HSD17B12: variants seen among roughly 807,000 people sequenced by gnomAD.
The protein encoded by HSD17B12 is very-long-chain 3-oxoacyl-CoA reductase.
A neutral mutation model predicts 39.3 loss-of-function variants in HSD17B12; 32 were observed. That is an observed-to-expected ratio of 0.81 (90% CI 0.61 to 1.09). HSD17B12 has a LOEUF of 1.09. HSD17B12 is among the 50% of genes least tolerant of loss of function. The pLI is 0.00. For synonymous variants in HSD17B12, 150 were observed against 146.7 expected, an observed-to-expected ratio of 1.02 and a Z score of -0.16; for missense variants, 342 against 382.9, an observed-to-expected ratio of 0.89 and a Z score of 0.89.
chr11:43,713,313 GT>G (rs1950088034), intron 1 of HSD17B12, among the ~76,000 whole-genome samples: 1 of 126,884 alleles, frequency 7.9e-6, no homozygotes, highest in African/African-American at 3.1e-5. Flanking sequence ...AGTGTGTGAT[GT>G]TCCCCTTCCT....
At chr11:43,612,429 C>G in the HSD17B12 span, among the ~76,000 whole-genome samples, 1 of 152,160 alleles carries the variant, frequency 6.6e-6, no homozygotes, top group Non-Finnish European at 1.5e-5. Context: ...TCTGGGCCAA[C>G]CCAGGAGCAG....
chr11:43,807,967 C>T (rs1951034674), intron 4 of HSD17B12, among the ~76,000 whole-genome samples: 1 of 152,176 alleles, frequency 6.6e-6, no homozygotes, highest in Admixed American at 6.5e-5. Context: ...GCCCATTTTA[C>T]AGACAAGAAA....
intron 1 of HSD17B12, among the ~76,000 whole-genome samples, chr11:43,738,527 T>C (rs992388096): frequency 6.6e-6 from 1 of 152,222 alleles, no homozygotes; most frequent in African/African-American, 2.4e-5. Flanking sequence ...ATCTCACTTT[T>C]AGATGATTCT....
intron 9 of HSD17B12, among the ~76,000 whole-genome samples, chr11:43,847,715 C>CAAAAAAAAAAAAAAA (rs749195210): frequency 2.7e-4 from 23 of 85,694 alleles, no homozygotes; most frequent in African/African-American, 7.6e-4. Context: ...CTCTGCCTCA[C>CAAAAAAAAAAAAAAA]AAAAAAAAAA....
At chr11:43,801,276 G>T (rs770628183) in intron 4 of HSD17B12, among the ~76,000 whole-genome samples, 2 of 152,156 alleles carry the variant, frequency 1.3e-5, no homozygotes, top group East Asian at 3.8e-4. Flanking sequence ...ATGAGTATGT[G>T]GGGGACAGGG....
intron 1 of HSD17B12, among the ~76,000 whole-genome samples, chr11:43,738,057 A>C (rs1223681833): frequency 6.6e-4 from 37 of 55,822 alleles, no homozygotes; most frequent in African/African-American, 2.3e-3. Flanking sequence ...ACTCTGTCCC[A>C]AAAAAAAAAA....
intron 4 of HSD17B12, among the ~76,000 whole-genome samples, chr11:43,802,367 A>C (rs1000792430): frequency 1.3e-5 from 2 of 152,150 alleles, no homozygotes; most frequent in East Asian, 3.9e-4. Context: ...TAATCAATAC[A>C]AAAAAATTTA....
intron 3 of HSD17B12, among the ~76,000 whole-genome samples, chr11:43,783,504 G>T (rs1354452268): frequency 1.3e-5 from 2 of 149,106 alleles, no homozygotes; most frequent in South Asian, 2.1e-4. Flanking sequence ...ATGGTGGTTT[G>T]TTCCACCCAT....
intron 1 of HSD17B12, among the ~76,000 whole-genome samples, chr11:43,692,452 G>T (rs985616628): frequency 6.6e-6 from 1 of 152,108 alleles, no homozygotes; most frequent in African/African-American, 2.4e-5. Flanking sequence ...TTGGTAACAG[G>T]CTAACCTTTC....
chr11:43,694,705 G>A (rs958694123), intron 1 of HSD17B12, among the ~76,000 whole-genome samples: 10 of 151,906 alleles, frequency 6.6e-5, no homozygotes, highest in Admixed American at 2.6e-4. Context: ...AAACATAAAA[G>A]TTAAAGGTCT....
At chr11:43,656,579 C>T in the HSD17B12 span, among the ~76,000 whole-genome samples, 1 of 151,832 alleles carries the variant, frequency 6.6e-6, no homozygotes. Context: ...TGAATGTGTC[C>T]CAGAGATTCT....
At chr11:43,728,372 T>A (rs1424397492) in intron 1 of HSD17B12, among the ~76,000 whole-genome samples, 1 of 152,162 alleles carries the variant, frequency 6.6e-6, no homozygotes, top group Non-Finnish European at 1.5e-5. Flanking sequence ...GGCCCAATTC[T>A]GTTTAACTAA....
intron 3 of HSD17B12, among the ~76,000 whole-genome samples, chr11:43,775,167 A>T (rs888132383): frequency 6.6e-6 from 1 of 152,174 alleles, no homozygotes; most frequent in Non-Finnish European, 1.5e-5. Context: ...AACTGCAAGA[A>T]ACTGAGTTGT....
chr11:43,708,403 A>G (rs1590679067), intron 1 of HSD17B12, among the ~76,000 whole-genome samples: 1 of 152,184 alleles, frequency 6.6e-6, no homozygotes, highest in Admixed American at 6.5e-5. Flanking sequence ...TCCTAAACAT[A>G]CTGAAAATAT....
At position 43,816,406 on chromosome 11, in the gene HSD17B12, T is replaced by G. The variant is rs777434491; in HGVS notation, c.501+15T>G. ...CTGTTTGTAAGGTAAGCATCCTTGT[T>G]ATAAAGATGTCATCCTTTTTTGGTT... is the stretch of plus-strand genomic sequence containing the variant. On this transcript the variant is annotated intron_variant, in intron 6 of 10. Transcript: ENST00000278353. 3 of 1,513,558 alleles carry G rather than the reference T, an allele frequency of 2.0e-6. No homozygotes were observed. In the South Asian group the frequency reaches 3.7e-5, roughly 19 times the overall value. The allele number at this position is 1,513,558 out of a possible 1,614,324, so 93.8% of individuals were successfully genotyped here.
chr11:43,791,307 G>A (rs763245333), intron 3 of HSD17B12, among the ~76,000 whole-genome samples: 12 of 152,100 alleles, frequency 7.9e-5, no homozygotes, highest in African/African-American at 1.7e-4. Context: ...CAAGGCAGGC[G>A]GATCACCTGA....
chr11:43,593,060 A>G, the HSD17B12 span, among the ~76,000 whole-genome samples: 1 of 152,184 alleles, frequency 6.6e-6, no homozygotes. Flanking sequence ...CCGAAATTGT[A>G]TGCTCAATAT....
At chr11:43,584,600 G>A in the HSD17B12 span, 3 of 152,184 alleles carry the variant, frequency 2.0e-5, no homozygotes, top group Non-Finnish European at 2.9e-5. Context: ...CTGCATGAGG[G>A]GTGGCCACTG....
At chr11:43,661,421 A>T in the HSD17B12 span, among the ~76,000 whole-genome samples, 1 of 152,236 alleles carries the variant, frequency 6.6e-6, no homozygotes, top group Non-Finnish European at 1.5e-5. Context: ...TGTAAATACA[A>T]TAAAGTGGAC....
Sources: gnomAD v4.1 joint callset for allele counts (sites outside exome capture counted in the v4.1 genomes callset) on GRCh38, gnomAD v4.1.1 for gene constraint, MANE v1.5 for transcripts, NCBI Gene and HGNC (gene_info 2026-07-23, HGNC 2026-07-21) for gene names.